SLC17A7: variants seen among roughly 807,000 people sequenced by gnomAD.
SLC17A7 encodes the protein vesicular glutamate transporter 1.
SLC17A7 carries 15 observed loss-of-function variants against 59.1 expected under a neutral mutation model. The observed-to-expected ratio is 0.25, with a 90% CI of 0.17 to 0.39. SLC17A7 has a LOEUF of 0.39. Ranked by LOEUF, SLC17A7 falls within the 10% of genes least tolerant of loss-of-function variation. The pLI is 1.00. For synonymous variants in SLC17A7, 353 were observed against 308.9 expected (o/e 1.14, Z -1.50); for missense variants, 499 against 765.1 (o/e 0.65, Z 4.10).
intron 9 of SLC17A7, 67 bp downstream of exon 9, chr19:49,432,452 C>T (rs1052050966): frequency 7.8e-5 from 121 of 1,548,446 alleles, no homozygotes; most frequent in Non-Finnish European, 1.0e-4. Flanking sequence ...CACTCCCCAT[C>T]ACCTCTCAAT....
intron 5 of SLC17A7, 58 bp downstream of exon 5, chr19:49,434,544 T>C (rs1419118572): frequency 1.2e-5 from 17 of 1,419,470 alleles, no homozygotes; most frequent in East Asian, 9.3e-5. Flanking sequence ...GACCCAACAG[T>C]CCAGGCCCCA....
chr19:49,439,747 A>G (rs1055095161), intron 1 of SLC17A7, among the ~76,000 whole-genome samples: 2 of 152,200 alleles, frequency 1.3e-5, no homozygotes, highest in Non-Finnish European at 2.9e-5. Flanking sequence ...CTCCCTGCTG[A>G]TGGTCCTGGC....
chr19:49,435,390 A>G (rs936646476), intron 2 of SLC17A7, 104 bp from the exon 3 acceptor site: 7 of 728,728 alleles, frequency 9.6e-6, no homozygotes, highest in Non-Finnish European at 1.7e-5. Flanking sequence ...GCAACGAGGA[A>G]CCCCTCCCAC....
chr19:49,439,247 G>A (rs1394418021), intron 1 of SLC17A7, among the ~76,000 whole-genome samples: 1 of 152,040 alleles, frequency 6.6e-6, no homozygotes, highest in Non-Finnish European at 1.5e-5. Flanking sequence ...ATGTCCCTCT[G>A]CTCTCTCTTC....
In SLC17A7 at chr19:49,429,642, GC is replaced by G; in HGVS notation, c.*876del. The G allele has an allele frequency of 2.5e-6, 1 of 398,822 alleles. No homozygotes were observed. The highest frequency in any genetic ancestry group is 4.4e-6 in the Non-Finnish European group (1 of 225,966). The allele number at this position is 398,822 out of a possible 1,614,324, so 24.7% of individuals were successfully genotyped here. A position where few individuals can be genotyped will look rare whatever the true frequency, so the allele number is the denominator to read the frequency against. ...AAGCCCCTGAGGGACACAACAAATG[GC>G]CACTGAGAAACAGGGTAGTTCGAAA... On this transcript the variant is annotated 3_prime_UTR_variant, in exon 12 of 12. Transcript: ENST00000221485.
At chr19:49,439,660 T>C (rs979139747) in intron 1 of SLC17A7, among the ~76,000 whole-genome samples, 6 of 152,220 alleles carry the variant, frequency 3.9e-5, no homozygotes, top group African/African-American at 1.4e-4. Context: ...TTGTCTCTAA[T>C]ATGGGGTATT....
chr19:49,435,336 G>T, intron 2 of SLC17A7, 50 bp from the exon 3 acceptor site: 1 of 1,360,570 alleles, frequency 7.3e-7, no homozygotes, highest in Non-Finnish European at 1.0e-6. Flanking sequence ...AGGCTCTGCC[G>T]CTCCACCAAT....
Position 49,433,752 on chromosome 19 carries a change from T to G in SLC17A7, c.841A>C (p.Ser281Arg). 3.1e-6 allele frequency: 5 copies of G among 1,613,962 alleles called. No homozygotes were observed. The highest frequency in any genetic ancestry group is 3.4e-6 in the Non-Finnish European group (4 of 1,179,988). ...GTGAGGGGGTTCATGAGTTTCGCGC[T>G]CTCTCCGATGGCGTCCTCGATGTAC... ...RKYIEDAIGE[S>R]AKLMNPLTKF... Residue 281 changes from serine (S) to arginine (R), a missense_variant, in exon 7 of 12, where the codon AGC (serine) becomes CGC (arginine). Ser to Arg is a moderately radical substitution (Grantham distance 110). Coordinates refer to ENST00000221485, the MANE Select transcript of SLC17A7 (RefSeq NM_020309.4). The surrounding 1 kb of genome is among the most constrained non-coding windows in gnomAD (Gnocchi z 5.7).
chr19:49,431,443 C>T lies in SLC17A7; in HGVS notation c.1156G>A (p.Gly386Ser). The T allele has an allele frequency of 1.2e-6, 2 of 1,613,282 alleles. No individual in the cohort carries two copies. Among genetic ancestry groups the T allele is most frequent in the Non-Finnish European group, 1.7e-6 (2 of 1,179,734 alleles). ...ACCAACAGCAGCGTGGCTTCCATGC[C>T]GAAGCCTACGGGGGCGGGGGGGGCC... ...VRKLMNCGGF[G>S]MEATLLLVVG... Residue 386 changes from glycine to serine, a missense_variant, in exon 10 of 12, where the codon GGC becomes AGC. By Grantham distance (56) the Gly-to-Ser change is moderately conservative. Around this residue, in one of 3 missense-constraint regions of SLC17A7, gnomAD observed 323 missense variants for 607.2 expected, o/e 0.53. Coordinates refer to ENST00000221485, the MANE Select transcript of SLC17A7 (RefSeq NM_020309.4). The surrounding 1 kb of genome is among the most constrained non-coding windows in gnomAD (Gnocchi z 4.6).
rs1385190484 is a variant in SLC17A7 at position 49,433,009 on chromosome 19, C to T, written c.868-49G>A. On this transcript the variant is annotated intron_variant, in intron 7 of 11. Coordinates refer to ENST00000221485, the MANE Select transcript of SLC17A7 (RefSeq NM_020309.4). The surrounding 1 kb of genome is among the most constrained non-coding windows in gnomAD (Gnocchi z 5.7). ...CTAAGACGGGGAGCGGGGCTGAGGGCTTCTCCGCGTCCCTTCAGGGACCAC... is the reference window on the plus strand; with the variant it reads ...CTAAGACGGGGAGCGGGGCTGAGGGTTTCTCCGCGTCCCTTCAGGGACCAC... The T allele has an allele frequency of 2.6e-6, 4 of 1,555,908 alleles. No homozygotes were observed. The highest frequency in any genetic ancestry group is 2.3e-5 in the South Asian group (2 of 85,272).
At position 49,431,453 on chromosome 19, in the gene SLC17A7, G is replaced by A. The variant is rs762116665; in HGVS notation, c.1151-5C>T. ...GCGTGGCTTCCATGCCGAAGCCTAC[G>A]GGGGCGGGGGGGGCCCGCGTCTCCT... On this transcript the variant is annotated splice_region_variant and splice_polypyrimidine_tract_variant and intron_variant, in intron 9 of 11. Transcript: ENST00000221485. The surrounding 1 kb of genome is among the most constrained non-coding windows in gnomAD (Gnocchi z 4.6). 5 of 1,611,262 alleles carry A rather than the reference G, an allele frequency of 3.1e-6. No homozygotes were observed. Among genetic ancestry groups the A allele is most frequent in the Admixed American group, 3.3e-5 (2 of 59,910 alleles).
chr19:49,436,972 A>C lies in SLC17A7; in HGVS notation c.63-171T>G. ...GCTCCCTTCGCCCCCCTGATCCAGA[A>C]ATCCTCCATCTCCCTCAGACCGGGA... is the stretch of plus-strand genomic sequence containing the variant. On this transcript the variant is annotated intron_variant, in intron 1 of 11. Coordinates refer to ENST00000221485, the MANE Select transcript of SLC17A7 (RefSeq NM_020309.4). The surrounding 1 kb of genome is among the most constrained non-coding windows in gnomAD (Gnocchi z 4.1). 2.2e-6 allele frequency: 2 copies of C among 908,542 alleles called. No individual in the cohort carries two copies. Among genetic ancestry groups the C allele is most frequent in the East Asian group, 2.7e-5 (1 of 36,632 alleles). 56.3% of individuals were successfully genotyped at this position (908,542 alleles called of 1,614,324 possible).
Position 49,432,807 on chromosome 19 carries a change from C to T in SLC17A7, c.1017+4G>A, listed in dbSNP as rs1193780689. 6.3e-7 allele frequency: 1 copy of T among 1,588,578 alleles called. No individual in the cohort carries two copies. The highest frequency in any genetic ancestry group is 2.3e-5 in the East Asian group (1 of 43,776). ...CCCCCCTGCCCTCTCCTCCTGGGCT[C>T]TACCTTGCTGATCTCGAAGCCGAAC... On this transcript the variant is annotated splice_donor_region_variant and intron_variant, in intron 8 of 11. Coordinates refer to ENST00000221485, the MANE Select transcript of SLC17A7 (RefSeq NM_020309.4).
Position 49,436,460 on chromosome 19 carries a change from C to T in SLC17A7, c.315+89G>A. The T allele has an allele frequency of 6.6e-7, 1 of 1,520,504 alleles. No individual in the cohort carries two copies. The highest frequency in any genetic ancestry group is 8.9e-7 in the Non-Finnish European group (1 of 1,124,636). The allele number at this position is 1,520,504 out of a possible 1,614,324, so 94.2% of individuals were successfully genotyped here. A position where few individuals can be genotyped will look rare whatever the true frequency, so the allele number is the denominator to read the frequency against. ...CGTTTCGGAAGGGGCGTGGCCTGGA[C>T]GTCTGGTGGGTGAGTGTGACGTCAT... On this transcript the variant is annotated intron_variant, in intron 2 of 11. Transcript: ENST00000221485. The surrounding 1 kb of genome is among the most constrained non-coding windows in gnomAD (Gnocchi z 4.1).
rs2078979305 is a variant in SLC17A7, at chr19:49,436,327, A to G, written c.315+222T>C. 1 of 589,442 alleles carries G rather than the reference A, an allele frequency of 1.7e-6. No homozygotes were observed. The highest frequency in any genetic ancestry group is 3.0e-6 in the Non-Finnish European group (1 of 338,304). The allele number at this position is 589,442 out of a possible 1,614,324, so 36.5% of individuals were successfully genotyped here. On this transcript the variant is annotated intron_variant, in intron 2 of 11. Transcript: ENST00000221485. The surrounding 1 kb of genome is among the most constrained non-coding windows in gnomAD (Gnocchi z 4.1). Reference sequence around the variant, plus strand: ...ATTTTTCAATCAAGCCCCTGGAAATAAGGGCGGGACTTCATTTAGATCAGG... The same window carrying G: ...ATTTTTCAATCAAGCCCCTGGAAATGAGGGCGGGACTTCATTTAGATCAGG...
rs776470792 is a variant in SLC17A7, at chr19:49,436,693, G to C, written c.171C>G (p.Phe57Leu). ...RDPPVVDCTC[F>L]GLPRRYIIAI... ...CGATAATGTAGCGGCGAGGGAGGCC[G>C]AAGCAGGTGCAGTCCACCACCGGCG... The change falls in exon 2 of 12, where the codon TTC becomes TTG. Residue 57 changes from phenylalanine (F) to leucine (L), a missense_variant. Coordinates refer to ENST00000221485, the MANE Select transcript of SLC17A7 (RefSeq NM_020309.4). This position sits in a 1 kb window ranked among gnomAD's most constrained non-coding sequence, Gnocchi z 4.1. The C allele has an allele frequency of 1.2e-5, 19 of 1,613,630 alleles. No individual in the cohort carries two copies. The South Asian group carries it at 2.0e-4, about 17-fold the overall frequency.
Position 49,432,970 on chromosome 19 carries a change from C to G in SLC17A7, c.868-10G>C, listed in dbSNP as rs759538675. 8.7e-6 allele frequency: 14 copies of G among 1,603,758 alleles called. No homozygotes were observed. In the South Asian group the frequency reaches 1.6e-4, roughly 18 times the overall value. On this transcript the variant is annotated splice_polypyrimidine_tract_variant and intron_variant, in intron 7 of 11. Coordinates refer to ENST00000221485, the MANE Select transcript of SLC17A7 (RefSeq NM_020309.4). ...AGGGAGTGCTAAACTTCTGTGGGGG[C>G]GAGGGGAGGGCCGCTAAGACGGGGA... is the stretch of plus-strand genomic sequence containing the variant.
In SLC17A7 at chr19:49,430,602, G is replaced by A; in HGVS notation, c.1600C>T (p.Pro534Ser). Reference sequence around the variant, plus strand: ...CCATAGGAGGGCGGGGGTGCAGGGGGTGCCCCCGGGGGCTCAGCCTCATCC... The same window carrying A: ...CCATAGGAGGGCGGGGGTGCAGGGGATGCCCCCGGGGGCTCAGCCTCATCC... ...MEDEAEPPGAPPAPPPSYGAT... is the reference protein window; with the variant it reads ...MEDEAEPPGASPAPPPSYGAT... The change falls in exon 12 of 12, where the codon CCC (proline) becomes TCC (serine). Residue 534 changes from proline (P) to serine (S), a missense_variant. By Grantham distance (74) the Pro-to-Ser change is moderately conservative. Coordinates refer to ENST00000221485, the MANE Select transcript of SLC17A7 (RefSeq NM_020309.4). 2 of 1,613,402 alleles carry A rather than the reference G, an allele frequency of 1.2e-6. No individual in the cohort carries two copies. The highest frequency in any genetic ancestry group is 1.7e-6 in the Non-Finnish European group (2 of 1,179,668).
Position 49,436,226 on chromosome 19 carries a change from G to A in SLC17A7, c.315+323C>T. On this transcript the variant is annotated intron_variant, in intron 2 of 11. Transcript: ENST00000221485. The surrounding 1 kb of genome is among the most constrained non-coding windows in gnomAD (Gnocchi z 4.1). The stretch of plus-strand genomic sequence containing the variant: ...GGGGACATGAGCTTGGGGTACAGGC[G>A]TGAGCAAAATTGCTAGTAGGTCCAA... 1 of 402,290 alleles carries A rather than the reference G, an allele frequency of 2.5e-6. No individual in the cohort carries two copies. Among genetic ancestry groups the A allele is most frequent in the Non-Finnish European group, 4.6e-6 (1 of 217,518 alleles). 24.9% of individuals were successfully genotyped at this position (402,290 alleles called of 1,614,324 possible).
Sources: gnomAD v4.1 joint callset for allele counts (sites outside exome capture counted in the v4.1 genomes callset) on GRCh38, gnomAD v4.1.1 for gene constraint, gnomAD v4.1.1 regional missense constraint, Gnocchi (gnomAD v3.1) non-coding constraint, MANE v1.5 for transcripts, NCBI Gene and HGNC (gene_info 2026-07-23, HGNC 2026-07-21) for gene names.